SLC1A3: variants seen among roughly 807,000 people sequenced by gnomAD.
The protein encoded by SLC1A3 is solute carrier family 1 member 3, also known as excitatory amino acid transporter 1.
A neutral mutation model predicts 48.1 loss-of-function variants in SLC1A3; 21 were observed. The ratio of observed to expected loss-of-function variants is 0.44; its 90% CI spans 0.31 to 0.63. The LOEUF (loss-of-function observed/expected upper bound fraction) is 0.63, where lower values mean the gene tolerates loss of function less well. SLC1A3 is among the 20% of genes least tolerant of loss of function. SLC1A3 has a pLI of 0.08. For synonymous variants in SLC1A3, 239 were observed against 251.4 expected, an observed-to-expected ratio of 0.95 and a Z score of 0.47; for missense variants, 546 against 689.0, an observed-to-expected ratio of 0.79 and a Z score of 2.32.
chr5:36,644,469 A>G (rs550846848), intron 3 of SLC1A3, among the ~76,000 whole-genome samples: 7 of 152,372 alleles, frequency 4.6e-5, no homozygotes, highest in South Asian at 2.1e-4. Context: ...GTTGTAGTGA[A>G]TAAAAATAAA....
intron 8 of SLC1A3, among the ~76,000 whole-genome samples, chr5:36,682,186 C>T (rs1340719732): frequency 6.6e-6 from 1 of 152,174 alleles, no homozygotes; most frequent in East Asian, 1.9e-4. Flanking sequence ...GATTTTACTT[C>T]CAGACCAAGT....
Position 36,644,013 on chromosome 5 carries a change from A to AT in SLC1A3, c.319+14426_319+14427insT, listed in dbSNP as rs1211600868. Among the ~76,000 whole-genome samples the AT allele has an allele frequency of 1.9e-3, 112 of 57,916 alleles. 1 individual carries two copies. Among genetic ancestry groups the AT allele is most frequent in the Middle Eastern group, 0.01 (1 of 96 alleles). The allele number at this position is 57,916 out of a possible 152,430, so 38.0% of individuals were successfully genotyped here. Reference sequence around the variant, plus strand: ...GGCAACAGGGCAAGACTCCGTCTCAAAAAATAAATAAATAAATAAATAAAT... The same window carrying AT: ...GGCAACAGGGCAAGACTCCGTCTCAATAAAATAAATAAATAAATAAATAAAT... On this transcript the variant is annotated intron_variant, in intron 3 of 9. Transcript: ENST00000265113.
At position 36,632,139 on chromosome 5, in the gene SLC1A3, AG is replaced by A. The variant is rs138329025; in HGVS notation, c.319+2555del. The stretch of plus-strand genomic sequence containing the variant: ...GGGACAAGTATGATGATAAACGGAG[AG>A]GGACCCAACTACAGAATAATATGGC... On this transcript the variant is annotated intron_variant, in intron 3 of 9. Transcript: ENST00000265113. Among the ~76,000 whole-genome samples the A allele has an allele frequency of 3.9e-3, 598 of 152,318 alleles. 6 individuals are homozygous for A. Among genetic ancestry groups the A allele is most frequent in the African/African-American group, 0.014 (576 of 41,560 alleles).
intron 5 of SLC1A3, among the ~76,000 whole-genome samples, chr5:36,675,064 G>A (rs1362303532): frequency 6.6e-6 from 1 of 152,108 alleles, no homozygotes; most frequent in Non-Finnish European, 1.5e-5. Context: ...ATTCACTCCT[G>A]TTGTAATTCC....
In SLC1A3 at chr5:36,617,183, A is replaced by G. The variant is rs77460953; in HGVS notation, c.181+8579A>G. ...CTTCCTTGTCTCCAAAAAAAAAGAA[A>G]GCGGTTTGGTCAGAAAGTGATCTAC... On this transcript the variant is annotated intron_variant, in intron 2 of 9. Transcript: ENST00000265113. 3.0e-3 allele frequency among the ~76,000 whole-genome samples: 463 copies of G among 152,314 alleles called. 3 individuals are homozygous for G. The highest frequency in any genetic ancestry group is 0.011 in the African/African-American group (447 of 41,568).
At chr5:36,645,398 C>G (rs1215179357) in intron 3 of SLC1A3, among the ~76,000 whole-genome samples, 2 of 135,464 alleles carry the variant, frequency 1.5e-5, no homozygotes, top group Non-Finnish European at 3.1e-5. Flanking sequence ...GTGTTCTCGG[C>G]TCACTGTAAC....
chr5:36,667,064 G>C (rs184256999), intron 3 of SLC1A3, among the ~76,000 whole-genome samples: 21 of 152,252 alleles, frequency 1.4e-4, no homozygotes, highest in Admixed American at 1.4e-3. Flanking sequence ...ACAGAAATAG[G>C]TTTGGAGAAA....
At chr5:36,618,863 A>G (rs1310722206) in intron 2 of SLC1A3, among the ~76,000 whole-genome samples, 1 of 152,202 alleles carries the variant, frequency 6.6e-6, no homozygotes, top group Admixed American at 6.5e-5. Context: ...AAAAATAACA[A>G]TGGATTGGAC....
chr5:36,642,390 T>C (rs1475053078), intron 3 of SLC1A3, among the ~76,000 whole-genome samples: 1 of 152,174 alleles, frequency 6.6e-6, no homozygotes, highest in Non-Finnish European at 1.5e-5. Flanking sequence ...GCTGCCAAAC[T>C]TTGCCACCCA....
intron 2 of SLC1A3, chr5:36,612,905 A>C: frequency 2.2e-6 from 1 of 452,356 alleles, no homozygotes; most frequent in Non-Finnish European, 4.4e-6. Context: ...GGTCTGCCTG[A>C]GGTAGCAACG....
intron 3 of SLC1A3, chr5:36,669,287 G>T (rs1741891520): frequency 6.6e-6 from 1 of 152,206 alleles, no homozygotes; most frequent in African/African-American, 2.4e-5. Flanking sequence ...ACTGCGGGGG[G>T]ATGGGATACT....
chr5:36,671,010 TTC>T lies in SLC1A3; in HGVS notation c.320-17_320-16del, dbSNP rs1409128775. On this transcript the variant is annotated splice_polypyrimidine_tract_variant and intron_variant, in intron 3 of 9. Transcript: ENST00000265113. ...TCCCTGGACTGACTTCCTGAAAATC[TTC>T]TGTTTGCCTCCACCAGGAATGGCGG... is the stretch of plus-strand genomic sequence containing the variant. 23 of 1,611,338 alleles carry T rather than the reference TTC, an allele frequency of 1.4e-5. No individual in the cohort carries two copies. Among genetic ancestry groups the T allele is most frequent in the Non-Finnish European group, 1.9e-5 (22 of 1,177,686 alleles).
rs68027582 is a variant in SLC1A3, at chr5:36,645,319, CTTTTTTTTTT to C, written c.319+15752_319+15761del. 2.4e-4 allele frequency among the ~76,000 whole-genome samples: 20 copies of C among 84,298 alleles called. No individual in the cohort carries two copies. In the East Asian group the frequency reaches 2.6e-3, roughly 11 times the overall value. The allele number at this position is 84,298 out of a possible 152,430, so 55.3% of individuals were successfully genotyped here. On this transcript the variant is annotated intron_variant, in intron 3 of 9. Coordinates refer to ENST00000265113, the MANE Select transcript of SLC1A3 (RefSeq NM_004172.5). ...ATCTTTGAGGACTGACTTCCGCTGC[CTTTTTTTTTT>C]TTTTTTTTTTTTTTTTTTTGATAGA... is the stretch of plus-strand genomic sequence containing the variant.
chr5:36,623,007 A>G (rs1483116668), intron 2 of SLC1A3, among the ~76,000 whole-genome samples: 1 of 142,716 alleles, frequency 7.0e-6, no homozygotes, highest in Admixed American at 7.1e-5. Flanking sequence ...GGGAGACTCC[A>G]TCATCTCAAA....
rs1338438446 is a variant in SLC1A3 at position 36,677,147 on chromosome 5, A to G, written c.823A>G (p.Asn275Asp). 1 of 1,614,000 alleles carries G rather than the reference A, an allele frequency of 6.2e-7. No individual in the cohort carries two copies. The highest frequency in any genetic ancestry group is 8.5e-7 in the Non-Finnish European group (1 of 1,179,946). Reference sequence around the variant, plus strand: ...CCTGAGAGAGTTCTTTGATTCTCTTAACGAAGCCATCATGAGACTGGTAGC... The same window carrying G: ...CCTGAGAGAGTTCTTTGATTCTCTTGACGAAGCCATCATGAGACTGGTAGC... ...QALREFFDSL[N>D]EAIMRLVAVI... The change falls in exon 6 of 10, where the codon AAC becomes GAC. Residue 275 changes from asparagine to aspartate, a missense_variant. This residue lies in a region of SLC1A3 where 348 missense variants were observed against 392.0 expected (regional missense o/e 0.89). Transcript: ENST00000265113.
At chr5:36,609,915 C>A (rs1426624030) in intron 2 of SLC1A3, among the ~76,000 whole-genome samples, 1 of 152,104 alleles carries the variant, frequency 6.6e-6, no homozygotes, top group African/African-American at 2.4e-5. Context: ...AAGTCATTGC[C>A]AAGCCAAGCA....
intron 1 of SLC1A3, among the ~76,000 whole-genome samples, chr5:36,601,364 C>G (rs1052713981): frequency 6.6e-6 from 1 of 152,176 alleles, no homozygotes; most frequent in Non-Finnish European, 1.5e-5. Flanking sequence ...CTTAACTAAA[C>G]AGACCAAAGT....
intron 9 of SLC1A3, among the ~76,000 whole-genome samples, chr5:36,685,219 C>G (rs978690863): frequency 2.0e-5 from 3 of 152,092 alleles, no homozygotes; most frequent in Non-Finnish European, 4.4e-5. Context: ...GTTATATATG[C>G]TAACATAAAT....
intron 6 of SLC1A3, among the ~76,000 whole-genome samples, chr5:36,677,475 A>G (rs760335819): frequency 2.6e-5 from 4 of 152,204 alleles, no homozygotes; most frequent in Non-Finnish European, 5.9e-5. Flanking sequence ...TTTTCATTCA[A>G]GACATAATTA....
Sources: allele counts gnomAD v4.1 joint callset (sites outside exome capture counted in the v4.1 genomes callset), GRCh38; gene constraint gnomAD v4.1.1; regional missense constraint gnomAD v4.1.1; transcripts MANE v1.5; gene names NCBI Gene and HGNC (gene_info 2026-07-23, HGNC 2026-07-21).